Variants in DMXL2 observed in about 807,000 individuals in gnomAD.
DMXL2 encodes the protein dmX-like protein 2.
A neutral mutation model predicts 331.1 loss-of-function variants in DMXL2; 103 were observed. The ratio of observed to expected loss-of-function variants is 0.31; its 90% CI spans 0.27 to 0.37. The LOEUF (loss-of-function observed/expected upper bound fraction) is 0.37, where lower values mean the gene tolerates loss of function less well. Among genes scored for constraint, DMXL2 ranks in the 10% least tolerant of loss-of-function variants. The pLI, the probability that DMXL2 is intolerant of heterozygous loss-of-function variation, is 1.00. For missense variants in DMXL2, 3,171 were observed against 3,642.9 expected, an observed-to-expected ratio of 0.87 and a Z score of 3.33; for synonymous variants, 1,281 against 1,252.1, an observed-to-expected ratio of 1.02 and a Z score of -0.49.
intron 13 of DMXL2, among the ~76,000 whole-genome samples, chr15:51,523,861 C>G (rs981314335): frequency 6.6e-6 from 1 of 152,184 alleles, no homozygotes. Flanking sequence ...AAAGGAGAAA[C>G]AGACAAATTC....
chr15:51,552,238 T>C (rs1414009053), intron 6 of DMXL2, among the ~76,000 whole-genome samples: 2 of 152,026 alleles, frequency 1.3e-5, no homozygotes, highest in African/African-American at 2.4e-5. Flanking sequence ...TTAGGAGCAA[T>C]AGGAGTCATT....
intron 9 of DMXL2, among the ~76,000 whole-genome samples, chr15:51,541,494 T>C (rs941755530): frequency 3.9e-5 from 6 of 152,110 alleles, no homozygotes; most frequent in Non-Finnish European, 8.8e-5. Flanking sequence ...AGTGCTCAAA[T>C]AGCTAATACG....
intron 13 of DMXL2, among the ~76,000 whole-genome samples, chr15:51,521,487 T>TAGTAGC (rs1567063186): frequency 2.0e-5 from 3 of 150,952 alleles, no homozygotes; most frequent in Non-Finnish European, 2.9e-5. Context: ...GTAGTAGTAG[T>TAGTAGC]AGCAGCATTT....
intron 5 of DMXL2, among the ~76,000 whole-genome samples, 172 bp from the exon 6 acceptor site, chr15:51,563,619 A>G (rs2050099801): frequency 6.6e-6 from 1 of 152,162 alleles, no homozygotes; most frequent in Non-Finnish European, 1.5e-5. Flanking sequence ...ATGTAAATTT[A>G]TTAAAACTAA....
chr15:51,570,833 AC>A (rs915716868), intron 2 of DMXL2, among the ~76,000 whole-genome samples: 2 of 152,174 alleles, frequency 1.3e-5, no homozygotes, highest in Non-Finnish European at 2.9e-5. Flanking sequence ...GCAAAAACAT[AC>A]CAAATTGTAA....
chr15:51,545,380 T>C (rs562843470), intron 8 of DMXL2, among the ~76,000 whole-genome samples: 184 of 152,248 alleles, frequency 1.2e-3, no homozygotes, highest in African/African-American at 3.9e-3. Flanking sequence ...TATTTACCTA[T>C]AAAACATGTC....
At chr15:51,537,239 C>A (rs913897126) in intron 11 of DMXL2, among the ~76,000 whole-genome samples, 1 of 152,096 alleles carries the variant, frequency 6.6e-6, no homozygotes, top group Non-Finnish European at 1.5e-5. Context: ...TATTAATTCC[C>A]TCAAAAATCA....
Position 51,507,154 on chromosome 15 carries a change from T to C in DMXL2, c.2744A>G (p.Lys915Arg). 1.2e-6 allele frequency: 2 copies of C among 1,608,484 alleles called. No individual in the cohort carries two copies. Among genetic ancestry groups the C allele is most frequent in the Non-Finnish European group, 1.7e-6 (2 of 1,176,708 alleles). Residue 915 changes from lysine (K) to arginine (R), a missense_variant, in exon 16 of 44, where the codon AAA becomes AGA. This residue lies in a region of DMXL2 where 1,674 missense variants were observed against 1,780.2 expected (regional missense o/e 0.94). Transcript: ENST00000560891. ...CTTACCTAAACATGCTTGTACAGAT[T>C]TAAGATGAAGGTGCCACATATGCAG... ...SILHMWHLHL[K>R]SVQACLAKAS...
At chr15:51,456,491 G>T in intron 37 of DMXL2, 122 bp from the exon 38 acceptor site, 1 of 651,192 alleles carries the variant, frequency 1.5e-6, no homozygotes, top group Non-Finnish European at 2.6e-6. Context: ...GATAAAGCCT[G>T]TTATGGATGT....
intron 27 of DMXL2, 99 bp downstream of exon 27, chr15:51,476,490 C>T (rs1220086278): frequency 7.4e-7 from 1 of 1,349,822 alleles, no homozygotes; most frequent in African/African-American, 1.5e-5. Flanking sequence ...AAAGGAACCA[C>T]TCACTAAATC....
intron 3 of DMXL2, chr15:51,567,305 T>C (rs1308734748): frequency 6.6e-6 from 1 of 152,074 alleles, no homozygotes; most frequent in Non-Finnish European, 1.5e-5. Context: ...CCTCCCAAAG[T>C]GTTGGGATTA....
intron 3 of DMXL2, among the ~76,000 whole-genome samples, chr15:51,566,235 GT>G (rs1567126680): frequency 3.7e-3 from 6 of 1,618 alleles, no homozygotes; most frequent in Non-Finnish European, 0.015. Context: ...TGTGTGGGGT[GT>G]GTGTGTGTGT....
chr15:51,588,876 T>A (rs2052066939), intron 1 of DMXL2, among the ~76,000 whole-genome samples: 1 of 152,198 alleles, frequency 6.6e-6, no homozygotes. Context: ...TTCAGCTAGA[T>A]CATTTGAGAC....
chr15:51,607,145 G>A (rs955208801), intron 1 of DMXL2, among the ~76,000 whole-genome samples: 9 of 148,988 alleles, frequency 6.0e-5, no homozygotes, highest in South Asian at 2.1e-4. Flanking sequence ...GGGTGACAGA[G>A]TGAGACTCTG....
chr15:51,485,835 T>C (rs2042355772), intron 23 of DMXL2, among the ~76,000 whole-genome samples: 1 of 152,180 alleles, frequency 6.6e-6, no homozygotes. Flanking sequence ...GGCTATATGA[T>C]TATGTAAAAA....
chr15:51,523,729 A>T (rs1489725746), intron 13 of DMXL2, among the ~76,000 whole-genome samples: 1 of 152,236 alleles, frequency 6.6e-6, no homozygotes, highest in Admixed American at 6.5e-5. Context: ...AGAGGCAAGG[A>T]AGGATCCTCC....
At chr15:51,540,440 A>C (rs898171231) in intron 9 of DMXL2, among the ~76,000 whole-genome samples, 4 of 152,198 alleles carry the variant, frequency 2.6e-5, no homozygotes, top group African/African-American at 9.6e-5. Flanking sequence ...GGGTATATTT[A>C]GGGTATTGTA....
chr15:51,526,408 C>A (rs1318146440), intron 13 of DMXL2, among the ~76,000 whole-genome samples: 1 of 152,192 alleles, frequency 6.6e-6, no homozygotes, highest in Non-Finnish European at 1.5e-5. Context: ...TTCTAAATAT[C>A]TGGAAAGCCT....
intron 23 of DMXL2, among the ~76,000 whole-genome samples, chr15:51,485,439 CAT>C (rs1260816050): frequency 1.3e-5 from 2 of 152,194 alleles, no homozygotes; most frequent in Non-Finnish European, 2.9e-5. Context: ...GCAGACATAA[CAT>C]GTGTGCACAT....
Sources: gnomAD v4.1 joint callset for allele counts (sites outside exome capture counted in the v4.1 genomes callset) on GRCh38, gnomAD v4.1.1 for gene constraint, gnomAD v4.1.1 regional missense constraint, MANE v1.5 for transcripts, NCBI Gene and HGNC (gene_info 2026-07-23, HGNC 2026-07-21) for gene names.